Variants in SETX observed in about 807,000 individuals in gnomAD.
The protein encoded by SETX is helicase senataxin.
In SETX, 90 loss-of-function variants were observed where a neutral mutation model predicts 227.2. That is an observed-to-expected ratio of 0.40 (90% CI 0.33 to 0.47). SETX has a LOEUF of 0.47. Ranked by LOEUF, SETX falls within the 20% of genes least tolerant of loss-of-function variation. The pLI is 0.91. For missense variants in SETX, 3,052 were observed against 3,181.5 expected (o/e 0.96, Z 0.98); for synonymous variants, 1,210 against 1,113.2 (o/e 1.09, Z -1.73).
intron 11 of SETX, among the ~76,000 whole-genome samples, chr9:132,301,434 A>G (rs1212990215): frequency 6.6e-6 from 1 of 151,952 alleles, no homozygotes; most frequent in African/African-American, 2.4e-5. Context: ...CAACTTTCAA[A>G]ACCCCCGAAG....
At chr9:132,302,659 TCAAAAAAAAAAAAAAAAAAAG>T (rs1305962920) in intron 11 of SETX, among the ~76,000 whole-genome samples, 5 of 23,462 alleles carry the variant, frequency 2.1e-4, no homozygotes, top group Admixed American at 7.1e-4. Context: ...AGACTTTGTC[TCAAAAAAAAAAAAAAAAAAAG>T]CAAAAAAAAA....
Position 132,327,367 on chromosome 9 carries a change from T to C in SETX, c.4231A>G (p.Lys1411Glu), listed in dbSNP as rs764356368. The change falls in exon 10 of 26, where the codon AAA (lysine) becomes GAA (glutamate). Residue 1411 changes from lysine to glutamate, a missense_variant. Lys to Glu is a moderately conservative substitution (Grantham distance 56). This residue lies in a region of SETX where 1,483 missense variants were observed against 1,312.0 expected (regional missense o/e 1.13). Coordinates refer to ENST00000224140, the MANE Select transcript of SETX (RefSeq NM_015046.7). The part of the protein sequence containing the change: ...GTEVLANSNR[K>E]QLIKCMPSEP... ...GAAGGCATGCATTTTATTAACTGTT[T>C]TCTGTTACTGTTGGCAAGTACCTCA... The C allele has an allele frequency of 1.2e-6, 2 of 1,614,254 alleles. No homozygotes were observed. Among genetic ancestry groups the C allele is most frequent in the Non-Finnish European group, 1.7e-6 (2 of 1,180,038 alleles).
rs905351170 is a variant in SETX, at chr9:132,322,676, C to T, written c.5274+3648G>A. Among the ~76,000 whole-genome samples, 3 of 152,164 alleles carry T rather than the reference C, an allele frequency of 2.0e-5. No homozygotes were observed. In the East Asian group the frequency reaches 5.8e-4, roughly 29 times the overall value. On this transcript the variant is annotated intron_variant, in intron 10 of 25. Coordinates refer to ENST00000224140, the MANE Select transcript of SETX (RefSeq NM_015046.7). ...CTACCATGAATAATGTTCCAATCTA[C>T]TCTTTAGTTTCCTGTTCTTAAATGT...
At position 132,283,305 on chromosome 9, in the gene SETX, C is replaced by T; in HGVS notation, c.6505G>A (p.Gly2169Arg). 1 of 1,614,158 alleles carries T rather than the reference C, an allele frequency of 6.2e-7. No individual in the cohort carries two copies. The highest frequency in any genetic ancestry group is 8.5e-7 in the Non-Finnish European group (1 of 1,180,040). The change falls in exon 19 of 26, where the codon GGG becomes AGG. Residue 2169 changes from glycine (G) to arginine (R), a missense_variant. Gly to Arg is a moderately radical substitution (Grantham distance 125). This residue lies in a region of SETX where 412 missense variants were observed against 589.0 expected (regional missense o/e 0.70). Transcript: ENST00000224140. ...CAGCTGAAGGGGACACCCCCTTGCC[C>T]ACGGAAAGCAGACTCAAGTAGTAAA... ...GGLLLESAFR[G>R]QGGVPFSCVI... is the part of the protein sequence containing the mutation.
In SETX at chr9:132,278,070, C is replaced by T. The variant is rs1843269262; in HGVS notation, c.6842G>A (p.Arg2281Lys). The T allele has an allele frequency of 6.2e-7, 1 of 1,613,066 alleles. No individual in the cohort carries two copies. Among genetic ancestry groups the T allele is most frequent in the Non-Finnish European group, 8.5e-7 (1 of 1,179,252 alleles). Reference protein sequence around the residue: ...YVYNRNLKTNRQTEAIRCSSD... With the variant: ...YVYNRNLKTNKQTEAIRCSSD... ...GTCACAAACAATAAGGGGAACTCAC[C>T]TATTTGTTTTTAAGTTTCTGTTATA... Residue 2281 changes from arginine (R) to lysine (K), a missense_variant and splice_region_variant, in exon 21 of 26, where the codon AGA (arginine) becomes AAA (lysine). By Grantham distance (26) the Arg-to-Lys change is conservative. Around this residue, in one of 10 missense-constraint regions of SETX, gnomAD observed 412 missense variants for 589.0 expected, o/e 0.70. Coordinates refer to ENST00000224140, the MANE Select transcript of SETX (RefSeq NM_015046.7).
In SETX at chr9:132,327,377, G is replaced by T; in HGVS notation, c.4221C>A (p.Asn1407Lys). ...NCTGGTEVLA[N>K]SNRKQLIKCM... ...ATTTTATTAACTGTTTTCTGTTACTGTTGGCAAGTACCTCAGTTCCTCCTG... is the reference window on the plus strand; with the variant it reads ...ATTTTATTAACTGTTTTCTGTTACTTTTGGCAAGTACCTCAGTTCCTCCTG... The change falls in exon 10 of 26, where the codon AAC becomes AAA. Residue 1407 changes from asparagine to lysine, a missense_variant. Asn to Lys is a moderately conservative substitution (Grantham distance 94, BLOSUM62 0). Transcript: ENST00000224140. The T allele has an allele frequency of 1.2e-6, 2 of 1,614,182 alleles. No individual in the cohort carries two copies. Among genetic ancestry groups the T allele is most frequent in the South Asian group, 1.1e-5 (1 of 91,090 alleles).
chr9:132,296,758 C>T, intron 14 of SETX, 129 bp downstream of exon 14: 1 of 880,622 alleles, frequency 1.1e-6, no homozygotes, highest in Non-Finnish European at 1.8e-6. Context: ...CACAGTTACA[C>T]ACAATATAAA....
At chr9:132,293,201 T>C (rs941283410) in intron 15 of SETX, among the ~76,000 whole-genome samples, 2 of 152,110 alleles carry the variant, frequency 1.3e-5, no homozygotes, top group African/African-American at 2.4e-5. Flanking sequence ...ATTTGAAGCA[T>C]GCAATAAAAT....
chr9:132,299,194 A>C (rs1326933497), intron 12 of SETX, among the ~76,000 whole-genome samples: 1 of 152,226 alleles, frequency 6.6e-6, no homozygotes, highest in African/African-American at 2.4e-5. Context: ...TTTTGGCCTG[A>C]GTAACTGAAA....
chr9:132,330,202 T>C lies in SETX; in HGVS notation c.1396A>G (p.Ile466Val). 1 of 1,577,430 alleles carries C rather than the reference T, an allele frequency of 6.3e-7. No homozygotes were observed. Among genetic ancestry groups the C allele is most frequent in the Non-Finnish European group, 8.6e-7 (1 of 1,161,140 alleles). The change falls in exon 10 of 26, where the codon ATT (isoleucine) becomes GTT (valine). Residue 466 changes from isoleucine to valine, a missense_variant. Physicochemically the swap from Ile to Val is conservative, Grantham distance 29 (BLOSUM62 3). Around this residue, in one of 10 missense-constraint regions of SETX, gnomAD observed 179 missense variants for 197.1 expected, o/e 0.91. Coordinates refer to ENST00000224140, the MANE Select transcript of SETX (RefSeq NM_015046.7). Reference sequence around the variant, plus strand: ...CATTTTTTATTTCTATGCAGTTCAATCACTGATACCAAAATTAGAAGAAAA... The same window carrying C: ...CATTTTTTATTTCTATGCAGTTCAACCACTGATACCAAAATTAGAAGAAAA... ...EFFLLILVSVIELHRNKKCLH... is the reference protein window; with the variant it reads ...EFFLLILVSVVELHRNKKCLH...
chr9:132,293,316 A>G (rs1378415561), intron 15 of SETX, among the ~76,000 whole-genome samples: 1 of 152,218 alleles, frequency 6.6e-6, no homozygotes, highest in Non-Finnish European at 1.5e-5. Context: ...AGAGACGTTC[A>G]AGTCATTTCC....
At chr9:132,283,967 G>A (rs780960156) in intron 18 of SETX, among the ~76,000 whole-genome samples, 1 of 152,166 alleles carries the variant, frequency 6.6e-6, no homozygotes, top group African/African-American at 2.4e-5. Context: ...GGAGCCGGAC[G>A]TGAGTGACGC....
chr9:132,264,912 T>G lies in SETX; in HGVS notation c.7361A>C (p.Asn2454Thr), dbSNP rs1456924846. 1.4e-5 allele frequency: 22 copies of G among 1,613,996 alleles called. No individual in the cohort carries two copies. The highest frequency in any genetic ancestry group is 1.9e-5 in the Non-Finnish European group (22 of 1,179,998). Residue 2454 changes from asparagine (N) to threonine (T), a missense_variant, in exon 26 of 26, where the codon AAC (asparagine) becomes ACC (threonine). Physicochemically the swap from Asn to Thr is moderately conservative, Grantham distance 65. Coordinates refer to ENST00000224140, the MANE Select transcript of SETX (RefSeq NM_015046.7). ...RGAIIKTCDK[N>T]YRHDAVKILK... ...AATCTTCACTGCATCATGTCTATAG[T>G]TTTTGTCACAGGTCTTAATAATGGC...
intron 10 of SETX, among the ~76,000 whole-genome samples, chr9:132,314,827 T>A (rs533852894): frequency 3.8e-4 from 58 of 151,494 alleles, no homozygotes; most frequent in Middle Eastern, 3.4e-3. Flanking sequence ...TTGGTTATAA[T>A]GAGGTTTCTT....
intron 18 of SETX, 100 bp from the exon 19 acceptor site, chr9:132,283,513 A>G (rs1011168576): frequency 6.4e-6 from 9 of 1,401,940 alleles, no homozygotes; most frequent in Non-Finnish European, 9.0e-6. Flanking sequence ...ATTAAAATAG[A>G]TTTATGACAG....
In SETX at chr9:132,346,520, A is replaced by G. The variant is rs1409051552; in HGVS notation, c.178-49T>C. Reference sequence around the variant, plus strand: ...TGTGCGTTATGTCTTATCATCAACAAAATACACTGAATGTGACGACCTAGA... The same window carrying G: ...TGTGCGTTATGTCTTATCATCAACAGAATACACTGAATGTGACGACCTAGA... On this transcript the variant is annotated intron_variant, in intron 3 of 25. Transcript: ENST00000224140. 2.3e-6 allele frequency: 3 copies of G among 1,305,910 alleles called. No homozygotes were observed. The South Asian group carries it at 3.7e-5, about 16-fold the overall frequency. The allele number at this position is 1,305,910 out of a possible 1,614,324, so 80.9% of individuals were successfully genotyped here. A position where few individuals can be genotyped will look rare whatever the true frequency, so the allele number is the denominator to read the frequency against.
At chr9:132,292,415 CAAAAAAA>C (rs60253119) in intron 15 of SETX, among the ~76,000 whole-genome samples, 53 of 61,074 alleles carry the variant, frequency 8.7e-4, no homozygotes, top group Non-Finnish European at 1.3e-3. Flanking sequence ...AGCTGGGGTA[CAAAAAAA>C]AAAAAAAAAA....
intron 11 of SETX, 71 bp from the exon 12 acceptor site, chr9:132,300,874 GAAATT>G (rs1022155545): frequency 1.4e-6 from 2 of 1,392,694 alleles, no homozygotes; most frequent in Admixed American, 2.1e-5. Flanking sequence ...TAACTTAAAA[GAAATT>G]AAATCCTTGT....
chr9:132,350,161 T>G (rs1301474627), intron 2 of SETX, among the ~76,000 whole-genome samples: 1 of 152,206 alleles, frequency 6.6e-6, no homozygotes, highest in African/African-American at 2.4e-5. Context: ...GAGACCAGCC[T>G]GGCCAACATG....
Sources: allele counts gnomAD v4.1 joint callset (sites outside exome capture counted in the v4.1 genomes callset), GRCh38; gene constraint gnomAD v4.1.1; regional missense constraint gnomAD v4.1.1; transcripts MANE v1.5; gene names NCBI Gene and HGNC (gene_info 2026-07-23, HGNC 2026-07-21).